The following MPP1 variants were observed in gnomAD, a reference collection of about 807,000 sequenced individuals.
MPP1 encodes 55 kDa erythrocyte membrane protein.
In MPP1, 6 loss-of-function variants were observed where a neutral mutation model predicts 38.2. The observed-to-expected ratio is 0.16, with a 90% CI of 0.09 to 0.31. MPP1 has a LOEUF of 0.31. MPP1 is among the 10% of genes least tolerant of loss of function. The probability of loss-of-function intolerance (pLI) is 1.00; values close to 1 mark genes in which losing one functional copy is unlikely to be tolerated. For synonymous variants in MPP1, 153 were observed against 146.3 expected, an observed-to-expected ratio of 1.05 and a Z score of -0.33; for missense variants, 293 against 368.9, an observed-to-expected ratio of 0.79 and a Z score of 1.69.
chrX:154,781,377 AAAACCTACATAGC>A (rs1416156998), intron 10 of MPP1, 64 bp from the exon 11 acceptor site: 5 of 958,111 alleles, frequency 5.2e-6, no homozygotes, highest in Non-Finnish European at 5.9e-6. Flanking sequence ...GTGAAAAAAA[AAAACCTACATAGC>A]TGTCATAATG....
chrX:154,804,788 AC>A (rs1370139978), intron 1 of MPP1: 5 of 341,100 alleles, frequency 1.5e-5, no homozygotes, highest in African/African-American at 1.3e-4. Flanking sequence ...GCAAATATAC[AC>A]TGGCCACCCT....
intron 1 of MPP1, among the ~76,000 whole-genome samples, chrX:154,802,914 T>C (rs1184256420): frequency 1.8e-5 from 2 of 112,282 alleles, no homozygotes; most frequent in Non-Finnish European, 3.8e-5. Flanking sequence ...GCCAACAACT[T>C]CCTCACAGGT....
At chrX:154,798,945 G>A (rs2148539446) in intron 1 of MPP1, among the ~76,000 whole-genome samples, 1 of 111,031 alleles carries the variant, frequency 9.0e-6, no homozygotes, top group East Asian at 2.8e-4. Flanking sequence ...CATTGGCCAG[G>A]CTGGTCTTGA....
intron 1 of MPP1, among the ~76,000 whole-genome samples, chrX:154,797,407 T>A (rs1437227888): frequency 1.8e-5 from 2 of 112,348 alleles, no homozygotes; most frequent in African/African-American, 6.5e-5. Flanking sequence ...AGACTCAGTC[T>A]GCACAGTTTC....
intron 1 of MPP1, among the ~76,000 whole-genome samples, chrX:154,796,889 C>T (rs977448246): frequency 9.1e-6 from 1 of 110,406 alleles, no homozygotes; most frequent in Admixed American, 9.6e-5. Flanking sequence ...GAATGCATTA[C>T]ATAAAGTTCC....
At chrX:154,792,396 T>C (rs2072152739) in intron 1 of MPP1, 111 bp from the exon 2 acceptor site, 1 of 919,657 alleles carries the variant, frequency 1.1e-6, no homozygotes, top group Non-Finnish European at 1.5e-6. Flanking sequence ...ATTTCATAAG[T>C]TTGGCCTCAT....
At chrX:154,804,957 G>C (rs782727491) in intron 1 of MPP1, 2 of 390,840 alleles carry the variant, frequency 5.1e-6, no homozygotes, top group Non-Finnish European at 9.4e-6. Context: ...GTTCCTTAAA[G>C]ACTTTCTGTT....
intron 4 of MPP1, 31 bp from the exon 5 acceptor site, chrX:154,790,053 A>G (rs1557267580): frequency 2.0e-6 from 2 of 996,398 alleles, no homozygotes. Flanking sequence ...AAAATTGTAC[A>G]GAAAACTAAG....
intron 6 of MPP1, among the ~76,000 whole-genome samples, chrX:154,785,583 T>C (rs2072063112): frequency 8.9e-6 from 1 of 112,421 alleles, no homozygotes; most frequent in Admixed American, 9.4e-5. Context: ...TAACTTGTAT[T>C]ACTACATGTA....
intron 1 of MPP1, among the ~76,000 whole-genome samples, chrX:154,801,924 GT>G (rs1220373673): frequency 9.0e-6 from 1 of 110,849 alleles, no homozygotes; most frequent in Non-Finnish European, 1.9e-5. Flanking sequence ...TCTAGTATCA[GT>G]TCTGTGAAAA....
chrX:154,802,492 T>C (rs944496385), intron 1 of MPP1, among the ~76,000 whole-genome samples: 19 of 111,490 alleles, frequency 1.7e-4, no homozygotes, highest in Non-Finnish European at 3.6e-4. Flanking sequence ...CAAGAGAATT[T>C]TCAGGGATTC....
chrX:154,786,089 T>A, intron 6 of MPP1, 115 bp downstream of exon 6: 185 of 583,043 alleles, frequency 3.2e-4, no homozygotes, highest in Non-Finnish European at 4.4e-4. Context: ...TGCCAGGAAA[T>A]CTAGGAGGTC....
chrX:154,789,831 C>A, intron 5 of MPP1, 123 bp downstream of exon 5: 1 of 466,305 alleles, frequency 2.1e-6, no homozygotes, highest in South Asian at 3.9e-5. Flanking sequence ...AGCAGCTACA[C>A]ACTTGCGAGA....
At chrX:154,798,787 T>A (rs1438371061) in intron 1 of MPP1, among the ~76,000 whole-genome samples, 1 of 111,462 alleles carries the variant, frequency 9.0e-6, no homozygotes, top group African/African-American at 3.3e-5. Flanking sequence ...CAGGCTGGAG[T>A]GCAATGGCAC....
chrX:154,780,883 C>G (rs1488217222), intron 11 of MPP1, among the ~76,000 whole-genome samples: 1 of 111,573 alleles, frequency 9.0e-6, no homozygotes, highest in African/African-American at 3.3e-5. Context: ...CATACTGCAC[C>G]CCAGGGCGGG....
At chrX:154,791,697 C>T in intron 3 of MPP1, 72 bp downstream of exon 3, 1 of 964,699 alleles carries the variant, frequency 1.0e-6, no homozygotes, top group Middle Eastern at 2.6e-4. Flanking sequence ...AAGCTTCATG[C>T]CCCACACCAC....
At chrX:154,800,709 G>A (rs1318134390) in intron 1 of MPP1, among the ~76,000 whole-genome samples, 1 of 112,528 alleles carries the variant, frequency 8.9e-6, no homozygotes, top group Non-Finnish European at 1.9e-5. Flanking sequence ...CTTAAAGGAT[G>A]AGTAAGCCTC....
intron 2 of MPP1, 26 bp from the exon 3 acceptor site, chrX:154,791,873 A>C (rs782273481): frequency 8.6e-7 from 1 of 1,158,733 alleles, no homozygotes; most frequent in Non-Finnish European, 1.2e-6. Context: ...CGGCACAATA[A>C]GCTTTATTTT....
In MPP1 at chrX:154,779,122, G is replaced by A. The variant is rs2071956138; in HGVS notation, c.*55C>T. The A allele has an allele frequency of 8.9e-7, 1 of 1,125,515 alleles. No homozygotes were observed. Among genetic ancestry groups the A allele is most frequent in the African/African-American group, 1.8e-5 (1 of 55,228 alleles). The allele number at this position is 1,125,515 out of a possible 1,213,427, so 92.8% of individuals were successfully genotyped here. Reference sequence around the variant, plus strand: ...CCCTGTTTGTCTTAAAGCAAGGCGGGTGGAATTCCAAATGCTGGAGAGGGG... The same window carrying A: ...CCCTGTTTGTCTTAAAGCAAGGCGGATGGAATTCCAAATGCTGGAGAGGGG... On this transcript the variant is annotated 3_prime_UTR_variant, in exon 12 of 12. Transcript: ENST00000369534.
Sources: gnomAD v4.1 joint callset for allele counts (sites outside exome capture counted in the v4.1 genomes callset) on GRCh38, gnomAD v4.1.1 for gene constraint, MANE v1.5 for transcripts, NCBI Gene and HGNC (gene_info 2026-07-23, HGNC 2026-07-21) for gene names.